Variants in MGAT4A observed in about 807,000 individuals in gnomAD.
The protein encoded by MGAT4A is N-acetylglucosaminyltransferase IVa.
Under a neutral mutation model 74.1 loss-of-function variants are expected in MGAT4A, and 33 were observed. The ratio of observed to expected loss-of-function variants is 0.45; its 90% CI spans 0.34 to 0.60. The LOEUF is 0.60. MGAT4A is among the 20% of genes least tolerant of loss of function. The pLI, the probability that MGAT4A is intolerant of heterozygous loss-of-function variation, is 0.02. For synonymous variants in MGAT4A, 198 were observed against 210.4 expected (o/e 0.94, Z 0.51); for missense variants, 479 against 628.3 (o/e 0.76, Z 2.54).
chr2:98,680,101 C>T lies in MGAT4A; in HGVS notation c.95-1630G>A, dbSNP rs144471861. On this transcript the variant is annotated intron_variant, in intron 2 of 15. Coordinates refer to ENST00000393487, the MANE Select transcript of MGAT4A (RefSeq NM_012214.3). Reference sequence around the variant, plus strand: ...TGTCGCCCAGGCTTGAGTACAGTGGCGCGATCTCGGCTCACTGCTGCAACC... The same window carrying T: ...TGTCGCCCAGGCTTGAGTACAGTGGTGCGATCTCGGCTCACTGCTGCAACC... Among the ~76,000 whole-genome samples the T allele has an allele frequency of 1.1e-4, 16 of 146,160 alleles. No homozygotes were observed. In the East Asian group the frequency reaches 2.6e-3, roughly 24 times the overall value.
rs1559155751 is a variant in MGAT4A, at chr2:98,636,533, TC to T, written c.1384del (p.Glu462LysfsTer12). ...PGDILLNTTVEVLPFKSEGLE... is the reference protein window; with the variant it reads ...PGDILLNTTVXVLPFKSEGLE... ...CAGTCATACCTTAAAAGGCAAAACT[TC>T]CACAGTTGTGTTTAGCAGAATATCT... On this transcript the variant is annotated frameshift_variant, in exon 13 of 16. Transcript: ENST00000393487. LOFTEE classifies it high-confidence loss of function. 1 of 1,613,470 alleles carries T rather than the reference TC, an allele frequency of 6.2e-7. No homozygotes were observed. Among genetic ancestry groups the T allele is most frequent in the Non-Finnish European group, 8.5e-7 (1 of 1,179,560 alleles).
intron 14 of MGAT4A, among the ~76,000 whole-genome samples, chr2:98,630,136 A>T (rs1041445627): frequency 2.0e-5 from 3 of 152,240 alleles, no homozygotes; most frequent in African/African-American, 7.2e-5. Flanking sequence ...ATTGTAGAGA[A>T]ACTCTCATAC....
chr2:98,644,061 G>A lies in MGAT4A; in HGVS notation c.890-8C>T. ...GCGCTTGAAACATTTTACCTGAAAA[G>A]ATATTCCCAGTCAATAGCTGCAATG... is the stretch of plus-strand genomic sequence containing the variant. On this transcript the variant is annotated splice_polypyrimidine_tract_variant and splice_region_variant and intron_variant, in intron 9 of 15. Coordinates refer to ENST00000393487, the MANE Select transcript of MGAT4A (RefSeq NM_012214.3). 2 of 1,559,374 alleles carry A rather than the reference G, an allele frequency of 1.3e-6. No homozygotes were observed. Among genetic ancestry groups the A allele is most frequent in the Middle Eastern group, 1.7e-4 (1 of 5,798 alleles).
At chr2:98,688,934 T>C (rs1172751253) in intron 2 of MGAT4A, among the ~76,000 whole-genome samples, 1 of 152,232 alleles carries the variant, frequency 6.6e-6, no homozygotes, top group Non-Finnish European at 1.5e-5. Flanking sequence ...TCAGTGAGCC[T>C]ATTTTTTCTA....
At chr2:98,682,075 T>C (rs1057040113) in intron 2 of MGAT4A, among the ~76,000 whole-genome samples, 6 of 152,136 alleles carry the variant, frequency 3.9e-5, no homozygotes, top group Non-Finnish European at 8.8e-5. Context: ...GGAAAGTGTT[T>C]CTTACAGAAG....
intron 5 of MGAT4A, among the ~76,000 whole-genome samples, chr2:98,659,618 G>A (rs955847978): frequency 2.0e-5 from 3 of 152,196 alleles, no homozygotes; most frequent in Non-Finnish European, 2.9e-5. Flanking sequence ...TACTGTTCTT[G>A]TGATAGTGAA....
chr2:98,625,408 A>G lies in MGAT4A; in HGVS notation c.*158T>C, dbSNP rs966094756. The G allele has an allele frequency of 6.8e-7, 1 of 1,460,710 alleles. No individual in the cohort carries two copies. The highest frequency in any genetic ancestry group is 9.0e-7 in the Non-Finnish European group (1 of 1,109,008). 90.5% of individuals were successfully genotyped at this position (1,460,710 alleles called of 1,614,324 possible). ...AGCTTAGTTTCAAACAAATACAATTATTATGGGAGATTCACTTTCCAAGTG... is the reference window on the plus strand; with the variant it reads ...AGCTTAGTTTCAAACAAATACAATTGTTATGGGAGATTCACTTTCCAAGTG... On this transcript the variant is annotated 3_prime_UTR_variant, in exon 16 of 16. Transcript: ENST00000393487.
chr2:98,634,164 T>A (rs944931923), intron 14 of MGAT4A, among the ~76,000 whole-genome samples: 1 of 152,146 alleles, frequency 6.6e-6, no homozygotes, highest in African/African-American at 2.4e-5. Flanking sequence ...CTGTGTTAAC[T>A]ACAGGACATA....
In MGAT4A at chr2:98,660,418, G is replaced by GCACACACACACA. The variant is rs534943882; in HGVS notation, c.538-2166_538-2155dup. Among the ~76,000 whole-genome samples, 70 of 141,720 alleles carry GCACACACACACA rather than the reference G, an allele frequency of 4.9e-4. 1 individual carries two copies. The highest frequency in any genetic ancestry group is 8.1e-4 in the Non-Finnish European group (53 of 65,786). 93.0% of individuals were successfully genotyped at this position (141,720 alleles called of 152,430 possible). A position where few individuals can be genotyped will look rare whatever the true frequency, so the allele number is the denominator to read the frequency against. ...CACACACACACACACACACGCACGC[G>GCACACACACACA]CACACACACACACACACACACACAC... On this transcript the variant is annotated intron_variant, in intron 5 of 15. Transcript: ENST00000393487.
At chr2:98,641,381 C>T (rs1318505585) in intron 10 of MGAT4A, among the ~76,000 whole-genome samples, 4 of 151,308 alleles carry the variant, frequency 2.6e-5, no homozygotes, top group African/African-American at 9.7e-5. Flanking sequence ...ATTGGCCAGG[C>T]GCAGTGGCTC....
chr2:98,701,637 A>G (rs1327925604), intron 2 of MGAT4A, among the ~76,000 whole-genome samples: 2 of 152,222 alleles, frequency 1.3e-5, no homozygotes, highest in Admixed American at 6.5e-5. Context: ...ACTAAGCTGA[A>G]CATAAAATAA....
chr2:98,686,029 T>C (rs865944274), intron 2 of MGAT4A, among the ~76,000 whole-genome samples: 3 of 152,156 alleles, frequency 2.0e-5, no homozygotes, highest in African/African-American at 7.2e-5. Flanking sequence ...CTCATTAAAA[T>C]GTTTAGGGCC....
At chr2:98,677,354 C>T (rs141557249) in intron 3 of MGAT4A, among the ~76,000 whole-genome samples, 115 of 152,262 alleles carry the variant, frequency 7.6e-4, no homozygotes, top group African/African-American at 2.5e-3. Context: ...CACATATACA[C>T]GAAAAATTAA....
intron 14 of MGAT4A, among the ~76,000 whole-genome samples, chr2:98,627,509 G>A (rs1485877164): frequency 2.0e-5 from 3 of 152,068 alleles, no homozygotes; most frequent in Non-Finnish European, 2.9e-5. Flanking sequence ...CCGAGCAGCT[G>A]GGATTACAGG....
At chr2:98,650,396 C>G (rs1014631272) in intron 8 of MGAT4A, among the ~76,000 whole-genome samples, 9 of 145,414 alleles carry the variant, frequency 6.2e-5, no homozygotes, top group African/African-American at 2.3e-4. Context: ...TCAAAAAGTT[C>G]AAAGAACCCC....
rs866143595 is a variant in MGAT4A at position 98,639,861 on chromosome 2, C to A, written c.1269G>T (p.Pro423=). The A allele has an allele frequency of 6.2e-7, 1 of 1,614,042 alleles. No homozygotes were observed. The part of the protein sequence containing the change: ...MGEDFFWAIT[P]IAGDYILFKF... ...TAAACAAGATGTAGTCTCCAGCTAT[C>A]GGTGTGATAGCCCAGAAGAAATCCT... is the stretch of plus-strand genomic sequence containing the variant. Residue 423 remains proline, a synonymous_variant, in exon 12 of 16, where the codon CCG becomes CCT. Coordinates refer to ENST00000393487, the MANE Select transcript of MGAT4A (RefSeq NM_012214.3).
chr2:98,625,263 T>C lies in MGAT4A; in HGVS notation c.*303A>G. On this transcript the variant is annotated 3_prime_UTR_variant, in exon 16 of 16. Transcript: ENST00000393487. ...GTATGTAACATTAGTTTTTCTCAAA[T>C]TTAAAGAATGTAACAATATGTACAA... is the stretch of plus-strand genomic sequence containing the variant. 2.0e-6 allele frequency: 2 copies of C among 987,328 alleles called. No individual in the cohort carries two copies. Among genetic ancestry groups the C allele is most frequent in the Non-Finnish European group, 2.5e-6 (2 of 810,994 alleles). 61.2% of individuals were successfully genotyped at this position (987,328 alleles called of 1,614,324 possible). A position where few individuals can be genotyped will look rare whatever the true frequency, so the allele number is the denominator to read the frequency against.
At chr2:98,729,168 A>G (rs751929060) in intron 1 of MGAT4A, among the ~76,000 whole-genome samples, 6 of 77,206 alleles carry the variant, frequency 7.8e-5, no homozygotes, top group Admixed American at 1.2e-4. Context: ...CTAATATATG[A>G]AAAAAAAAAA....
chr2:98,634,187 G>A (rs1192414184), intron 14 of MGAT4A, among the ~76,000 whole-genome samples: 3 of 152,200 alleles, frequency 2.0e-5, no homozygotes, highest in South Asian at 2.1e-4. Context: ...GGAGAGACAC[G>A]GCCCCTCCCT....
Sources: gnomAD v4.1 joint callset for allele counts (sites outside exome capture counted in the v4.1 genomes callset) on GRCh38, gnomAD v4.1.1 for gene constraint, MANE v1.5 for transcripts, NCBI Gene and HGNC (gene_info 2026-07-23, HGNC 2026-07-21) for gene names.